INTS4: variants seen among roughly 807,000 people sequenced by gnomAD.
The protein encoded by INTS4 is MSTP093.
In INTS4, 70 loss-of-function variants were observed where a neutral mutation model predicts 119.5. That is an observed-to-expected ratio of 0.59 (90% CI 0.48 to 0.71). The LOEUF (loss-of-function observed/expected upper bound fraction) is 0.71, where lower values mean the gene tolerates loss of function less well. Among genes scored for constraint, INTS4 ranks in the 30% least tolerant of loss-of-function variants. INTS4 has a pLI of 0.00. For synonymous variants in INTS4, 316 were observed against 419.6 expected, an observed-to-expected ratio of 0.75 and a Z score of 3.02; for missense variants, 867 against 1,173.2, an observed-to-expected ratio of 0.74 and a Z score of 3.81.
intron 8 of INTS4, among the ~76,000 whole-genome samples, chr11:77,948,531 C>T (rs1954102882): frequency 6.6e-6 from 1 of 151,410 alleles, no homozygotes; most frequent in South Asian, 2.1e-4. Context: ...GCCTGTAATC[C>T]CGGTACTGGG....
In INTS4 at chr11:77,961,152, A is replaced by AC; in HGVS notation, c.472-15_472-14insG. 2 of 1,545,070 alleles carry AC rather than the reference A, an allele frequency of 1.3e-6. No individual in the cohort carries two copies. The highest frequency in any genetic ancestry group is 1.7e-6 in the Non-Finnish European group (2 of 1,155,170). ...ATCTGTCAGATGCTATTAAAAAAAA[A>AC]AAAAAAAAGAAAAAAAGAAAAAGAA... On this transcript the variant is annotated splice_polypyrimidine_tract_variant and intron_variant, in intron 4 of 22. Coordinates refer to ENST00000534064, the MANE Select transcript of INTS4 (RefSeq NM_033547.4).
chr11:77,892,736 C>T (rs886370383), intron 19 of INTS4, among the ~76,000 whole-genome samples: 1 of 152,116 alleles, frequency 6.6e-6, no homozygotes, highest in Non-Finnish European at 1.5e-5. Context: ...CTGCCCACCA[C>T]CACGCCCTAC....
At chr11:77,914,372 T>C (rs1478695091) in intron 15 of INTS4, among the ~76,000 whole-genome samples, 2 of 152,240 alleles carry the variant, frequency 1.3e-5, no homozygotes, top group Non-Finnish European at 2.9e-5. Context: ...GATAAAACTG[T>C]CAAGGACAAA....
chr11:77,874,381 T>G (rs1951541931), downstream of INTS4, among the ~76,000 whole-genome samples: 1 of 152,066 alleles, frequency 6.6e-6, no homozygotes. Context: ...TCTTTTTTTT[T>G]TTTTTTTGGT....
chr11:77,947,757 T>C (rs2136543693), intron 8 of INTS4, among the ~76,000 whole-genome samples: 1 of 152,220 alleles, frequency 6.6e-6, no homozygotes, highest in East Asian at 1.9e-4. Context: ...AAAATATAAA[T>C]TGAAGTGGGG....
downstream of INTS4, among the ~76,000 whole-genome samples, chr11:77,875,126 C>T (rs1017630402): frequency 6.6e-6 from 1 of 151,992 alleles, no homozygotes; most frequent in Non-Finnish European, 1.5e-5. Flanking sequence ...GTTCAATCAT[C>T]TCAAAGCAAA....
At chr11:77,890,814 G>A (rs540160989) in intron 21 of INTS4, among the ~76,000 whole-genome samples, 6 of 152,322 alleles carry the variant, frequency 3.9e-5, no homozygotes, top group East Asian at 3.9e-4. Flanking sequence ...TAATTGCACT[G>A]TCTGAATTGA....
At chr11:77,965,527 T>C (rs1437735914) in intron 4 of INTS4, among the ~76,000 whole-genome samples, 3 of 152,160 alleles carry the variant, frequency 2.0e-5, no homozygotes, top group Non-Finnish European at 4.4e-5. Context: ...ATCATCACTC[T>C]ACTCTCTTTG....
In INTS4 at chr11:77,967,758, T is replaced by C. The variant is rs142079671; in HGVS notation, c.472-6620A>G. Among the ~76,000 whole-genome samples, 567 of 152,196 alleles carry C rather than the reference T, an allele frequency of 3.7e-3. 4 individuals are homozygous for C. Among genetic ancestry groups the C allele is most frequent in the African/African-American group, 0.013 (533 of 41,506 alleles). ...GATAAAACCAGATTGCAAGACATTT[T>C]ACAAAATAAATGCCCTACACTCTTC... On this transcript the variant is annotated intron_variant, in intron 4 of 22. Transcript: ENST00000534064.
chr11:77,891,655 C>T (rs749480576), intron 20 of INTS4, 26 bp downstream of exon 20: 136 of 1,610,514 alleles, frequency 8.4e-5, no homozygotes, highest in Non-Finnish European at 1.1e-4. Flanking sequence ...ACAGATTTGG[C>T]CTACAGGGGC....
intron 7 of INTS4, among the ~76,000 whole-genome samples, chr11:77,956,352 A>G (rs7127510): frequency 0.72 from 110,023 of 152,094 alleles, 40,066 homozygotes; most frequent in African/African-American, 0.78. Flanking sequence ...TGAAGGTTGC[A>G]GTGAGCTGAG....
chr11:77,954,251 G>C (rs1954264627), intron 8 of INTS4, among the ~76,000 whole-genome samples: 2 of 151,878 alleles, frequency 1.3e-5, no homozygotes, highest in African/African-American at 4.8e-5. Flanking sequence ...CAGAGCCTCA[G>C]TTTTCTCATC....
downstream of INTS4, among the ~76,000 whole-genome samples, chr11:77,876,242 C>A (rs115705302): frequency 4.4e-3 from 674 of 152,212 alleles, 7 homozygotes; most frequent in African/African-American, 0.016. Flanking sequence ...TAAGAACAGA[C>A]CCCTGTGATG....
chr11:77,954,007 T>C (rs899986514), intron 8 of INTS4, among the ~76,000 whole-genome samples: 4 of 151,902 alleles, frequency 2.6e-5, no homozygotes, highest in African/African-American at 9.7e-5. Context: ...AGAGACGGGG[T>C]TTCACCATGT....
intron 4 of INTS4, among the ~76,000 whole-genome samples, chr11:77,964,469 G>A (rs1271237329): frequency 1.3e-5 from 2 of 152,042 alleles, no homozygotes; most frequent in Non-Finnish European, 2.9e-5. Context: ...AGCTACTCGG[G>A]AGGCTGAGGC....
At chr11:77,889,477 C>A (rs570685714) in intron 21 of INTS4, among the ~76,000 whole-genome samples, 1 of 152,136 alleles carries the variant, frequency 6.6e-6, no homozygotes, top group African/African-American at 2.4e-5. Context: ...AGCACACCAG[C>A]ATGGCACATG....
At position 77,899,167 on chromosome 11, in the gene INTS4, G is replaced by A. The variant is rs142565336; in HGVS notation, c.2228+2254C>T. Among the ~76,000 whole-genome samples the A allele has an allele frequency of 2.6e-4, 40 of 152,260 alleles. 1 individual carries two copies. In the East Asian group the frequency reaches 7.3e-3, roughly 28 times the overall value. ...GAGGCCAAGAATTGTTAAGTAACTT[G>A]TCCAAGGGTTACTCAGTTTGCAAAT... On this transcript the variant is annotated intron_variant, in intron 18 of 22. Transcript: ENST00000534064.
chr11:77,991,929 C>T (rs1251750343), intron 1 of INTS4, among the ~76,000 whole-genome samples: 1 of 151,800 alleles, frequency 6.6e-6, no homozygotes, highest in Non-Finnish European at 1.5e-5. Flanking sequence ...TACGTTCAAG[C>T]GATTCACCTC....
chr11:77,950,771 T>C (rs1954171745), intron 8 of INTS4, among the ~76,000 whole-genome samples: 1 of 152,138 alleles, frequency 6.6e-6, no homozygotes, highest in African/African-American at 2.4e-5. Flanking sequence ...GTGCACAACG[T>C]GCAGGTTAGT....
Sources: gnomAD v4.1 joint callset for allele counts (sites outside exome capture counted in the v4.1 genomes callset) on GRCh38, gnomAD v4.1.1 for gene constraint, MANE v1.5 for transcripts, NCBI Gene and HGNC (gene_info 2026-07-23, HGNC 2026-07-21) for gene names.